The following SBF2 variants were observed in gnomAD, a reference collection of about 807,000 sequenced individuals.
The protein encoded by SBF2 is SET binding factor 2, also known as myotubularin-related protein 13.
SBF2 carries 112 observed loss-of-function variants against 225.2 expected under a neutral mutation model. The observed-to-expected ratio is 0.50, with a 90% CI of 0.43 to 0.58. The LOEUF (loss-of-function observed/expected upper bound fraction) is 0.58. Ranked by LOEUF, SBF2 falls within the 20% of genes least tolerant of loss-of-function variation. SBF2 has a pLI of 0.00. For missense variants in SBF2, 1,996 were observed against 2,206.2 expected (o/e 0.90, Z 1.91); for synonymous variants, 763 against 773.3 (o/e 0.99, Z 0.22).
intron 13 of SBF2, among the ~76,000 whole-genome samples, chr11:9,981,043 A>G (rs76322582): frequency 6.6e-6 from 1 of 152,244 alleles, no homozygotes; most frequent in Non-Finnish European, 1.5e-5. Flanking sequence ...GAATAACATA[A>G]AGAAACAAAT....
chr11:9,782,620 T>TAACA (rs988348858), intron 38 of SBF2, among the ~76,000 whole-genome samples: 7 of 152,108 alleles, frequency 4.6e-5, no homozygotes, highest in African/African-American at 1.7e-4. Context: ...CCTGTAATCC[T>TAACA]AACACTTTGG....
chr11:10,130,131 G>A (rs1472741645), intron 2 of SBF2, among the ~76,000 whole-genome samples: 3 of 152,170 alleles, frequency 2.0e-5, no homozygotes, highest in Admixed American at 1.3e-4. Flanking sequence ...GGGAGGCCGA[G>A]GTGGGCAGAT....
At chr11:9,834,372 A>G (rs1485135047) in intron 26 of SBF2, among the ~76,000 whole-genome samples, 1 of 152,136 alleles carries the variant, frequency 6.6e-6, no homozygotes, top group Non-Finnish European at 1.5e-5. Flanking sequence ...GATTCATGCT[A>G]TCCTTTTTTA....
intron 6 of SBF2, among the ~76,000 whole-genome samples, chr11:10,009,620 T>C (rs932105052): frequency 1.6e-4 from 24 of 152,354 alleles, no homozygotes; most frequent in African/African-American, 5.8e-4. Context: ...TAGTATTCCA[T>C]GGTGTATATG....
chr11:10,107,426 C>T (rs569759972), intron 2 of SBF2, among the ~76,000 whole-genome samples: 2 of 152,022 alleles, frequency 1.3e-5, no homozygotes, highest in South Asian at 4.2e-4. Flanking sequence ...TTGTATGACT[C>T]CATTTAGGTA....
intron 2 of SBF2, among the ~76,000 whole-genome samples, chr11:10,158,499 A>G (rs571640643): frequency 3.3e-5 from 5 of 152,198 alleles, no homozygotes; most frequent in Non-Finnish European, 7.3e-5. Context: ...CAACACTACA[A>G]TTGATATCAT....
chr11:9,931,079 G>C (rs563201796), intron 16 of SBF2, among the ~76,000 whole-genome samples: 1 of 152,278 alleles, frequency 6.6e-6, no homozygotes, highest in Non-Finnish European at 1.5e-5. Context: ...TGCAGCTTGC[G>C]TAGGTAAACA....
At chr11:10,223,399 T>TTTTATATATATATATATATA (rs1279386744) in intron 1 of SBF2, among the ~76,000 whole-genome samples, 3 of 59,276 alleles carry the variant, frequency 5.1e-5, no homozygotes, top group Non-Finnish European at 6.8e-5. Context: ...ATTTTGCACA[T>TTTTATATATATATATATATA]TATATATATA....
At chr11:9,958,391 G>A (rs1866327935) in intron 16 of SBF2, 1 of 134,270 alleles carries the variant, frequency 7.4e-6, no homozygotes, top group Admixed American at 8.5e-5. Context: ...ACGGAGTCTC[G>A]CTGTCGCCCA....
chr11:9,787,547 G>T, intron 36 of SBF2, 87 bp downstream of exon 36: 1 of 1,129,654 alleles, frequency 8.9e-7, no homozygotes, highest in Non-Finnish European at 1.3e-6. Context: ...ACCCAGCTGG[G>T]TCTTGTCACC....
chr11:9,996,510 C>T (rs1350997270), intron 9 of SBF2, among the ~76,000 whole-genome samples: 2 of 152,300 alleles, frequency 1.3e-5, no homozygotes, highest in South Asian at 4.1e-4. Flanking sequence ...CTGCCTCAGC[C>T]TCCTGAGTAG....
intron 16 of SBF2, among the ~76,000 whole-genome samples, chr11:9,923,928 C>T (rs1388337535): frequency 1.3e-5 from 2 of 152,136 alleles, no homozygotes; most frequent in African/African-American, 4.8e-5. Flanking sequence ...CATGCTAGTT[C>T]CATTAATTAA....
intron 28 of SBF2, among the ~76,000 whole-genome samples, chr11:9,826,426 G>A (rs1855063506): frequency 1.3e-5 from 2 of 152,146 alleles, no homozygotes; most frequent in Admixed American, 1.3e-4. Context: ...GGACCAAGAT[G>A]TGTATGGTTT....
intron 2 of SBF2, among the ~76,000 whole-genome samples, chr11:10,183,723 A>G (rs917286619): frequency 6.6e-6 from 1 of 152,256 alleles, no homozygotes; most frequent in Non-Finnish European, 1.5e-5. Flanking sequence ...GAAGTCAGGC[A>G]CAGAATGATA....
chr11:9,898,911 A>G (rs17355751), intron 16 of SBF2, among the ~76,000 whole-genome samples: 28,148 of 152,124 alleles, frequency 0.19, 2,961 homozygotes, highest in Middle Eastern at 0.23. Context: ...AAGGACAGAA[A>G]CTTGGGAAAG....
At chr11:10,057,196 T>A (rs1950285664) in intron 2 of SBF2, among the ~76,000 whole-genome samples, 1 of 151,958 alleles carries the variant, frequency 6.6e-6, no homozygotes, top group Non-Finnish European at 1.5e-5. Flanking sequence ...GTGGCCAGAC[T>A]GTTACATGGG....
At chr11:9,929,021 T>C (rs1487263010) in intron 16 of SBF2, 6 of 482,530 alleles carry the variant, frequency 1.2e-5, no homozygotes, top group Admixed American at 1.2e-4. Flanking sequence ...CTAATGAACA[T>C]ACAGTGCAGT....
At chr11:9,959,142 A>G in intron 16 of SBF2, 1 of 934,246 alleles carries the variant, frequency 1.1e-6, no homozygotes, top group South Asian at 1.3e-5. Flanking sequence ...GTAAGATGAA[A>G]CAGGTCACCC....
Position 10,181,316 on chromosome 11 carries a change from G to T in SBF2, c.141+12586C>A, listed in dbSNP as rs991358313. Among the ~76,000 whole-genome samples the T allele has an allele frequency of 2.0e-5, 3 of 152,132 alleles. No homozygotes were observed. The East Asian group carries it at 5.8e-4, about 29-fold the overall frequency. On this transcript the variant is annotated intron_variant, in intron 2 of 39. Coordinates refer to ENST00000256190, the MANE Select transcript of SBF2 (RefSeq NM_030962.4). ...ACACTGAGCAAGCTATGAAATCTGA[G>T]ATTTCAATTTCTAATTTTTTTAATG...
Sources: gnomAD v4.1 joint callset for allele counts (sites outside exome capture counted in the v4.1 genomes callset) on GRCh38, gnomAD v4.1.1 for gene constraint, MANE v1.5 for transcripts, NCBI Gene and HGNC (gene_info 2026-07-23, HGNC 2026-07-21) for gene names.